The following ATP11A variants were observed in gnomAD, a reference collection of about 807,000 sequenced individuals.
The protein encoded by ATP11A is phospholipid-transporting ATPase IH.
In ATP11A, 81 loss-of-function variants were observed where a neutral mutation model predicts 154.4. The observed-to-expected ratio is 0.52, with a 90% CI of 0.44 to 0.63. The LOEUF (loss-of-function observed/expected upper bound fraction) is 0.63. ATP11A is among the 30% of genes least tolerant of loss of function. The probability of loss-of-function intolerance (pLI) is 0.00; values close to 1 mark genes in which losing one functional copy is unlikely to be tolerated. For missense variants in ATP11A, 1,316 were observed against 1,474.3 expected (o/e 0.89, Z 1.76); for synonymous variants, 623 against 585.9 (o/e 1.06, Z -0.91).
chr13:112,724,926 C>T (rs944072782), intron 1 of ATP11A, among the ~76,000 whole-genome samples: 1 of 152,222 alleles, frequency 6.6e-6, no homozygotes, highest in Non-Finnish European at 1.5e-5. Context: ...CCTTCCTCTG[C>T]TCCAGCCACC....
intron 1 of ATP11A, among the ~76,000 whole-genome samples, chr13:112,714,980 C>G (rs1179026253): frequency 1.3e-5 from 2 of 152,180 alleles, no homozygotes; most frequent in African/African-American, 4.8e-5. Context: ...ATTCAACTTT[C>G]TGTCTCTAGG....
At chr13:112,736,560 G>T (rs1343465568) in intron 1 of ATP11A, among the ~76,000 whole-genome samples, 1 of 152,186 alleles carries the variant, frequency 6.6e-6, no homozygotes, top group Non-Finnish European at 1.5e-5. Context: ...GAAGAGAGCT[G>T]CTGATGAGAA....
chr13:112,862,680 T>C, intron 25 of ATP11A, 105 bp downstream of exon 25: 1 of 1,483,262 alleles, frequency 6.7e-7, no homozygotes, highest in African/African-American at 1.4e-5. Flanking sequence ...CCCATGCAGC[T>C]TCCCAGCGGG....
chr13:112,864,914 A>T (rs1464715728), intron 25 of ATP11A, among the ~76,000 whole-genome samples: 1 of 56,796 alleles, frequency 1.8e-5, no homozygotes, highest in Non-Finnish European at 3.9e-5. Context: ...GGGGTCCATC[A>T]CCACCTGCGC....
intron 27 of ATP11A, among the ~76,000 whole-genome samples, chr13:112,874,263 G>T (rs374203415): frequency 6.6e-6 from 1 of 152,174 alleles, no homozygotes; most frequent in Non-Finnish European, 1.5e-5. Context: ...AGTGGGAGCC[G>T]TGGCCAGCGG....
rs147609308 is a variant in ATP11A at position 112,743,639 on chromosome 13, G to C, written c.40-41496G>C. ...AGAGTGTGATAACCTGTGCGATGTTGCAGGTTCCTGCTAGCACTGACAGCA... is the reference window on the plus strand; with the variant it reads ...AGAGTGTGATAACCTGTGCGATGTTCCAGGTTCCTGCTAGCACTGACAGCA... On this transcript the variant is annotated intron_variant, in intron 1 of 29. Transcript: ENST00000375645. Among the ~76,000 whole-genome samples, 267 of 152,320 alleles carry C rather than the reference G, an allele frequency of 1.8e-3. 1 individual carries two copies. The highest frequency in any genetic ancestry group is 6.2e-3 in the African/African-American group (259 of 41,574).
intron 25 of ATP11A, among the ~76,000 whole-genome samples, chr13:112,868,088 T>G (rs1835045193): frequency 6.6e-6 from 1 of 152,248 alleles, no homozygotes; most frequent in South Asian, 2.1e-4. Flanking sequence ...AACTTCTCAT[T>G]TTGATGCCAC....
intron 25 of ATP11A, among the ~76,000 whole-genome samples, chr13:112,868,416 A>G (rs1230903831): frequency 6.6e-6 from 1 of 152,150 alleles, no homozygotes; most frequent in African/African-American, 2.4e-5. Context: ...TTCTCAAAGG[A>G]GGGAGGAAGT....
At chr13:112,880,892 C>T in intron 29 of ATP11A, 1 of 1,003,334 alleles carries the variant, frequency 1.0e-6, no homozygotes, top group Non-Finnish European at 1.2e-6. Flanking sequence ...GCACGGCACA[C>T]AGCCTGACCA....
intron 1 of ATP11A, among the ~76,000 whole-genome samples, chr13:112,739,805 C>T (rs531443510): frequency 4.7e-4 from 72 of 152,206 alleles, no homozygotes; most frequent in African/African-American, 1.6e-3. Context: ...CAAAAAGGAA[C>T]GAAGTACTGA....
At chr13:112,791,167 C>T (rs1298917045) in intron 2 of ATP11A, among the ~76,000 whole-genome samples, 1 of 152,262 alleles carries the variant, frequency 6.6e-6, no homozygotes, top group Non-Finnish European at 1.5e-5. Context: ...GCTTAGAACT[C>T]AGCCTGCGCA....
At chr13:112,735,925 C>T (rs986149027) in intron 1 of ATP11A, among the ~76,000 whole-genome samples, 1 of 152,208 alleles carries the variant, frequency 6.6e-6, no homozygotes, top group Non-Finnish European at 1.5e-5. Flanking sequence ...CCTCCGTGTG[C>T]GCATGCTCTG....
intron 1 of ATP11A, among the ~76,000 whole-genome samples, chr13:112,749,485 T>C (rs1450028282): frequency 6.6e-6 from 1 of 152,226 alleles, no homozygotes; most frequent in Non-Finnish European, 1.5e-5. Context: ...ACTTGTTGAG[T>C]ATTAAAAGTC....
intron 15 of ATP11A, among the ~76,000 whole-genome samples, chr13:112,835,692 C>T (rs1285939357): frequency 6.6e-6 from 1 of 152,244 alleles, no homozygotes; most frequent in Non-Finnish European, 1.5e-5. Context: ...GGCTGCCAAA[C>T]ACTTCCGATG....
At chr13:112,832,317 C>T (rs568804764) in intron 13 of ATP11A, among the ~76,000 whole-genome samples, 9 of 152,354 alleles carry the variant, frequency 5.9e-5, no homozygotes, top group East Asian at 5.8e-4. Context: ...CCTTCCTAAA[C>T]GCTGATTCTG....
intron 4 of ATP11A, among the ~76,000 whole-genome samples, chr13:112,806,755 C>T (rs2078333563): frequency 6.6e-6 from 1 of 152,090 alleles, no homozygotes; most frequent in East Asian, 1.9e-4. Flanking sequence ...TCTACGTATC[C>T]ATTTTATCAC....
In ATP11A at chr13:112,747,932, C is replaced by T. The variant is rs546400530; in HGVS notation, c.40-37203C>T. Among the ~76,000 whole-genome samples the T allele has an allele frequency of 5.3e-5, 8 of 152,316 alleles. No homozygotes were observed. The South Asian group carries it at 8.3e-4, about 16-fold the overall frequency. On this transcript the variant is annotated intron_variant, in intron 1 of 29. Coordinates refer to ENST00000375645, the MANE Select transcript of ATP11A (RefSeq NM_015205.3). ...AGGGATGGGATGAATTTGAGCATCC[C>T]TCATTCCAAAATCCCAAATCCAAAA...
chr13:112,822,898 C>T (rs1464085316), intron 8 of ATP11A, among the ~76,000 whole-genome samples: 1 of 152,202 alleles, frequency 6.6e-6, no homozygotes, highest in Non-Finnish European at 1.5e-5. Context: ...TGGGCCCCAC[C>T]CCAGGGTTTC....
At chr13:112,829,455 G>A (rs1255840204) in intron 12 of ATP11A, among the ~76,000 whole-genome samples, 1 of 152,184 alleles carries the variant, frequency 6.6e-6, no homozygotes, top group East Asian at 1.9e-4. Context: ...CAAAATGAAG[G>A]ACAAAACCAT....
Sources: allele counts gnomAD v4.1 joint callset (sites outside exome capture counted in the v4.1 genomes callset), GRCh38; gene constraint gnomAD v4.1.1; transcripts MANE v1.5; gene names NCBI Gene and HGNC (gene_info 2026-07-23, HGNC 2026-07-21).